HMGCLL1: variants seen among roughly 807,000 people sequenced by gnomAD.
HMGCLL1 encodes 3-hydroxy-3-methylglutaryl-CoA lyase like 1, also known as 3-hydroxymethyl-3-methylglutaryl-CoA lyase, cytoplasmic.
Under a neutral mutation model 39.1 loss-of-function variants are expected in HMGCLL1, and 36 were observed. The ratio of observed to expected loss-of-function variants is 0.92; its 90% CI spans 0.71 to 1.22. The LOEUF (loss-of-function observed/expected upper bound fraction) is 1.22, where lower values mean the gene tolerates loss of function less well. Ranked by LOEUF, HMGCLL1 falls within the 50% of genes most tolerant of loss-of-function variation. The pLI, the probability that HMGCLL1 is intolerant of heterozygous loss-of-function variation, is 0.00. For synonymous variants in HMGCLL1, 149 were observed against 144.0 expected (o/e 1.03, Z -0.25); for missense variants, 451 against 416.5 (o/e 1.08, Z -0.72).
intron 1 of HMGCLL1, among the ~76,000 whole-genome samples, chr6:55,556,464 T>C (rs1770672336): frequency 1.3e-5 from 2 of 152,088 alleles, no homozygotes; most frequent in African/African-American, 4.8e-5. Context: ...GTGTTAACTG[T>C]TCTAGCAAGA....
chr6:55,467,370 C>T (rs144427555), intron 7 of HMGCLL1, among the ~76,000 whole-genome samples: 122 of 152,086 alleles, frequency 8.0e-4, no homozygotes, highest in African/African-American at 2.7e-3. Flanking sequence ...AGGCTTCTTA[C>T]GTACAAGCAT....
intron 7 of HMGCLL1, among the ~76,000 whole-genome samples, chr6:55,470,839 G>A (rs1269760543): frequency 6.6e-6 from 1 of 151,676 alleles, no homozygotes; most frequent in Non-Finnish European, 1.5e-5. Flanking sequence ...AGAGCATGAA[G>A]AGGGAACTGC....
At chr6:55,609,340 T>G in the HMGCLL1 span, among the ~76,000 whole-genome samples, 1 of 152,138 alleles carries the variant, frequency 6.6e-6, no homozygotes, top group Admixed American at 6.5e-5. Flanking sequence ...ACTTTTCCTC[T>G]GCTGGAGCCG....
the HMGCLL1 span, among the ~76,000 whole-genome samples, chr6:55,648,497 G>A: frequency 2.3e-5 from 2 of 87,326 alleles, no homozygotes; most frequent in Non-Finnish European, 4.4e-5. Context: ...AAAGAGAGAA[G>A]AATCAAATAG....
intron 3 of HMGCLL1, among the ~76,000 whole-genome samples, chr6:55,520,815 A>G (rs1767999070): frequency 6.6e-6 from 1 of 151,996 alleles, no homozygotes; most frequent in South Asian, 2.1e-4. Flanking sequence ...TGATTTGGTT[A>G]GTAACAAGTT....
chr6:55,641,060 T>C, the HMGCLL1 span, among the ~76,000 whole-genome samples: 1 of 151,730 alleles, frequency 6.6e-6, no homozygotes, highest in African/African-American at 2.4e-5. Flanking sequence ...TATCACTTTA[T>C]TTGGAGAGAT....
chr6:55,652,133 C>T, the HMGCLL1 span, among the ~76,000 whole-genome samples: 5 of 152,034 alleles, frequency 3.3e-5, no homozygotes, highest in African/African-American at 7.2e-5. Context: ...TCCGTGGTCA[C>T]GGGGAGGGGA....
chr6:55,605,502 T>C, the HMGCLL1 span, among the ~76,000 whole-genome samples: 1 of 152,216 alleles, frequency 6.6e-6, no homozygotes, highest in Non-Finnish European at 1.5e-5. Context: ...AACATCCTTG[T>C]AATATATTTA....
intron 6 of HMGCLL1, 100 bp downstream of exon 6, chr6:55,499,136 C>T: frequency 1.1e-6 from 1 of 899,274 alleles, no homozygotes; most frequent in Non-Finnish European, 1.7e-6. Flanking sequence ...TAATCCATGG[C>T]TTCATGCTAT....
chr6:55,480,108 A>G (rs1271309512), intron 7 of HMGCLL1, among the ~76,000 whole-genome samples: 1 of 151,598 alleles, frequency 6.6e-6, no homozygotes, highest in Non-Finnish European at 1.5e-5. Flanking sequence ...AAGTGGACAA[A>G]TTACATCAAC....
At position 55,485,305 on chromosome 6, in the gene HMGCLL1, CGT is replaced by C. The variant is rs144399390; in HGVS notation, c.795+10112_795+10113del. Among the ~76,000 whole-genome samples, 70 of 151,116 alleles carry C rather than the reference CGT, an allele frequency of 4.6e-4. 1 individual carries two copies. The highest frequency in any genetic ancestry group is 1.6e-3 in the African/African-American group (66 of 41,264). ...CTCTAAAATGTACTTCTATATTAGG[CGT>C]GTGTGTGTGTGTTGGGGGGGTGTTT... On this transcript the variant is annotated intron_variant, in intron 7 of 8. Coordinates refer to ENST00000274901, the MANE Select transcript of HMGCLL1 (RefSeq NM_001042406.2).
the HMGCLL1 span, among the ~76,000 whole-genome samples, chr6:55,647,863 C>A: frequency 8.3e-6 from 1 of 121,094 alleles, no homozygotes. Flanking sequence ...TGGTGCGCTG[C>A]ACCCACTAAT....
At chr6:55,480,224 C>A (rs767386680) in intron 7 of HMGCLL1, among the ~76,000 whole-genome samples, 4 of 151,490 alleles carry the variant, frequency 2.6e-5, no homozygotes, top group African/African-American at 4.9e-5. Context: ...GAAAACTATC[C>A]ATTTGACAGG....
chr6:55,541,647 CAA>C (rs1433788367), intron 3 of HMGCLL1, 80 bp downstream of exon 3: 52 of 689,174 alleles, frequency 7.5e-5, no homozygotes, highest in Non-Finnish European at 1.1e-4. Context: ...GTAATTATAT[CAA>C]GTTAATATCA....
the HMGCLL1 span, among the ~76,000 whole-genome samples, chr6:55,648,219 G>T: frequency 2.0e-5 from 3 of 148,958 alleles, no homozygotes; most frequent in East Asian, 2.0e-4. Context: ...GAATAGTGCC[G>T]CAATAAACAT....
At chr6:55,677,683 A>C in the HMGCLL1 span, among the ~76,000 whole-genome samples, 1 of 152,200 alleles carries the variant, frequency 6.6e-6, no homozygotes, top group African/African-American at 2.4e-5. Context: ...ATGACTACAC[A>C]GGGAGGTGCT....
At chr6:55,530,780 T>A (rs2127448116) in intron 3 of HMGCLL1, among the ~76,000 whole-genome samples, 1 of 152,290 alleles carries the variant, frequency 6.6e-6, no homozygotes, top group Non-Finnish European at 1.5e-5. Flanking sequence ...TCTAGAGAAC[T>A]TTCCAGCAAT....
At chr6:55,440,785 G>A (rs1223178891) in intron 7 of HMGCLL1, among the ~76,000 whole-genome samples, 4 of 152,092 alleles carry the variant, frequency 2.6e-5, no homozygotes, top group Admixed American at 2.6e-4. Context: ...TGCGACTTGA[G>A]AATTTTAAAT....
At chr6:55,574,708 A>G (rs9382508) in intron 1 of HMGCLL1, among the ~76,000 whole-genome samples, 100,879 of 151,770 alleles carry the variant, frequency 0.66, 34,282 homozygotes, top group East Asian at 0.9. Flanking sequence ...ATCATCCTAA[A>G]ATATTTAGTA....
Sources: gnomAD v4.1 joint callset for allele counts (sites outside exome capture counted in the v4.1 genomes callset) on GRCh38, gnomAD v4.1.1 for gene constraint, MANE v1.5 for transcripts, NCBI Gene and HGNC (gene_info 2026-07-23, HGNC 2026-07-21) for gene names.